PPP6R2: variants seen among roughly 807,000 people sequenced by gnomAD.
PPP6R2 encodes protein phosphatase 6 regulatory subunit 2.
A neutral mutation model predicts 100.2 loss-of-function variants in PPP6R2; 62 were observed. The ratio of observed to expected loss-of-function variants is 0.62; its 90% CI spans 0.50 to 0.76. PPP6R2 has a LOEUF of 0.76. Among genes scored for constraint, PPP6R2 ranks in the 30% least tolerant of loss-of-function variants. PPP6R2 has a pLI of 0.00. For missense variants in PPP6R2, 1,142 were observed against 1,276.3 expected (o/e 0.89, Z 1.60); for synonymous variants, 525 against 514.7 (o/e 1.02, Z -0.27).
chr22:50,405,931 T>C (rs1320228757), intron 3 of PPP6R2, among the ~76,000 whole-genome samples: 6 of 67,604 alleles, frequency 8.9e-5, no homozygotes, highest in East Asian at 4.8e-4. Context: ...TGGAGAGAGG[T>C]GAGAGGCCTG....
At position 50,432,338 on chromosome 22, in the gene PPP6R2, C is replaced by G. The variant is rs368507334; in HGVS notation, c.1400+9C>G. Reference sequence around the variant, plus strand: ...GCCAACGACCACACGCAGTAAGAGCCGCTCGGACGTGGAGGGACCCAGCCT... The same window carrying G: ...GCCAACGACCACACGCAGTAAGAGCGGCTCGGACGTGGAGGGACCCAGCCT... On this transcript the variant is annotated intron_variant, in intron 12 of 23. Transcript: ENST00000612753. 6.5e-7 allele frequency: 1 copy of G among 1,548,426 alleles called. No individual in the cohort carries two copies.
At chr22:50,388,427 A>C (rs2054718411) in intron 2 of PPP6R2, among the ~76,000 whole-genome samples, 1 of 150,982 alleles carries the variant, frequency 6.6e-6, no homozygotes, top group Non-Finnish European at 1.5e-5. Flanking sequence ...AATCCTGGAC[A>C]AGGTGGCTCA....
chr22:50,407,061 T>C (rs954524709), intron 4 of PPP6R2, among the ~76,000 whole-genome samples, 186 bp downstream of exon 4: 3 of 152,064 alleles, frequency 2.0e-5, no homozygotes, highest in Non-Finnish European at 4.4e-5. Flanking sequence ...GAAAGAGTGT[T>C]TCTGGCTGGG....
chr22:50,419,205 G>A, intron 7 of PPP6R2, 144 bp from the exon 8 acceptor site: 1 of 768,886 alleles, frequency 1.3e-6, no homozygotes, highest in Non-Finnish European at 2.1e-6. Flanking sequence ...CAGCAGGAGT[G>A]TCCTGAGAAC....
At chr22:50,351,792 C>T (rs1388194486) in intron 1 of PPP6R2, among the ~76,000 whole-genome samples, 2 of 151,730 alleles carry the variant, frequency 1.3e-5, no homozygotes, top group Non-Finnish European at 2.9e-5. Flanking sequence ...CGCCGCCATA[C>T]CCAGCTAATT....
intron 8 of PPP6R2, among the ~76,000 whole-genome samples, chr22:50,420,333 G>A (rs2061152399): frequency 6.6e-6 from 1 of 152,268 alleles, no homozygotes; most frequent in African/African-American, 2.4e-5. Context: ...GCAGAGGAGA[G>A]TGGAGCTTGC....
intron 1 of PPP6R2, among the ~76,000 whole-genome samples, chr22:50,362,407 G>A (rs527494353): frequency 6.6e-6 from 1 of 152,188 alleles, no homozygotes; most frequent in Non-Finnish European, 1.5e-5. Flanking sequence ...CCGCTGCTGG[G>A]AGGAGAATTG....
upstream of PPP6R2, among the ~76,000 whole-genome samples, chr22:50,338,484 G>A (rs1303895604): frequency 1.4e-5 from 2 of 143,822 alleles, no homozygotes; most frequent in African/African-American, 5.2e-5. Flanking sequence ...TGTGTGTTAT[G>A]TAGTGTATGT....
Position 50,406,695 on chromosome 22 carries a change from A to C in PPP6R2, c.234A>C (p.Pro78=). ...TTGGACTGTGCCCTTTTAGATATCC[A>C]AACACAGCCTGTGAGCTTCTGACTT... ...DMEEKVRFKY[P]NTACELLTCD... Residue 78 remains proline (P), a synonymous_variant, in exon 4 of 24, where the codon CCA becomes CCC. Coordinates refer to ENST00000612753, the MANE Select transcript of PPP6R2 (RefSeq NM_001242898.2). 1 of 1,613,352 alleles carries C rather than the reference A, an allele frequency of 6.2e-7. No homozygotes were observed. Among genetic ancestry groups the C allele is most frequent in the Non-Finnish European group, 8.5e-7 (1 of 1,179,918 alleles).
intron 2 of PPP6R2, among the ~76,000 whole-genome samples, chr22:50,381,058 G>A (rs1280108669): frequency 3.4e-5 from 5 of 146,948 alleles, no homozygotes; most frequent in Non-Finnish European, 7.4e-5. Flanking sequence ...ATGTTGCAGT[G>A]AGCCAAGATC....
chr22:50,437,492 T>TCC lies in PPP6R2; in HGVS notation c.1684-12_1684-11dup. 1 of 315,234 alleles carries TCC rather than the reference T, an allele frequency of 3.2e-6. No homozygotes were observed. Among genetic ancestry groups the TCC allele is most frequent in the Non-Finnish European group, 6.4e-6 (1 of 156,890 alleles). The allele number at this position is 315,234 out of a possible 1,614,324, so 19.5% of individuals were successfully genotyped here. ...CGGTGTCTGTCCGTCCCTCCCTCCC[T>TCC]CCCTCCCTCCCAGGCCTTCTCTGAC... On this transcript the variant is annotated splice_polypyrimidine_tract_variant and intron_variant, in intron 15 of 23. Transcript: ENST00000612753.
the PPP6R2 span, among the ~76,000 whole-genome samples, chr22:50,335,315 G>A: frequency 6.7e-6 from 1 of 149,506 alleles, no homozygotes; most frequent in African/African-American, 2.5e-5. Context: ...CACCTGCCTT[G>A]GCCTCCCAAA....
intron 3 of PPP6R2, among the ~76,000 whole-genome samples, chr22:50,396,054 G>T (rs372232391): frequency 6.6e-6 from 1 of 151,334 alleles, no homozygotes; most frequent in Admixed American, 6.6e-5. Flanking sequence ...AATTAGCAGG[G>T]CGTAGTGGCG....
chr22:50,365,972 T>C (rs1382521259), intron 1 of PPP6R2, among the ~76,000 whole-genome samples: 1 of 152,162 alleles, frequency 6.6e-6, no homozygotes, highest in Non-Finnish European at 1.5e-5. Context: ...ATTTTTCTTT[T>C]CCTGCTCCCT....
chr22:50,341,447 T>G (rs2042377550), upstream of PPP6R2, among the ~76,000 whole-genome samples: 1 of 150,940 alleles, frequency 6.6e-6, no homozygotes, highest in African/African-American at 2.4e-5. Context: ...CCAGCGATCC[T>G]CCTGCCTAGG....
At chr22:50,348,699 A>T (rs1393410175) in intron 1 of PPP6R2, among the ~76,000 whole-genome samples, 1 of 152,096 alleles carries the variant, frequency 6.6e-6, no homozygotes, top group Non-Finnish European at 1.5e-5. Context: ...TGGAACCCAG[A>T]GGAGAGGCCA....
At chr22:50,372,755 C>G (rs113754609) in intron 2 of PPP6R2, among the ~76,000 whole-genome samples, 1 of 149,452 alleles carries the variant, frequency 6.7e-6, no homozygotes, top group Non-Finnish European at 1.5e-5. Flanking sequence ...GTGGTGTGAT[C>G]TCGGCTCACT....
intron 1 of PPP6R2, among the ~76,000 whole-genome samples, chr22:50,370,501 C>G (rs550305958): frequency 3.3e-5 from 5 of 151,676 alleles, no homozygotes; most frequent in Admixed American, 6.6e-5. Flanking sequence ...GTTGGCCAGA[C>G]TGGTCTCGAA....
intron 17 of PPP6R2, 129 bp from the exon 18 acceptor site, chr22:50,438,045 C>T: frequency 6.7e-7 from 1 of 1,489,678 alleles, no homozygotes; most frequent in Non-Finnish European, 9.1e-7. Context: ...TTCCTTGCCC[C>T]TCCCCGTCCT....
Sources: allele counts gnomAD v4.1 joint callset (sites outside exome capture counted in the v4.1 genomes callset), GRCh38; gene constraint gnomAD v4.1.1; transcripts MANE v1.5; gene names NCBI Gene and HGNC (gene_info 2026-07-23, HGNC 2026-07-21).